Variants in NPR3 observed in about 807,000 individuals in gnomAD.
NPR3 encodes atrial natriuretic peptide receptor 3.
Under a neutral mutation model 54.5 loss-of-function variants are expected in NPR3, and 34 were observed. The ratio of observed to expected loss-of-function variants is 0.62; its 90% CI spans 0.47 to 0.83. The LOEUF (loss-of-function observed/expected upper bound fraction) is 0.83. Ranked by LOEUF, NPR3 falls within the 40% of genes least tolerant of loss-of-function variation. NPR3 has a pLI of 0.00. For missense variants in NPR3, 674 were observed against 720.8 expected, an observed-to-expected ratio of 0.94 and a Z score of 0.74; for synonymous variants, 289 against 297.1, an observed-to-expected ratio of 0.97 and a Z score of 0.28.
intron 3 of NPR3, among the ~76,000 whole-genome samples, chr5:32,759,643 C>G (rs1741047935): frequency 6.6e-6 from 1 of 152,156 alleles, no homozygotes; most frequent in Non-Finnish European, 1.5e-5. Context: ...TTGATTCTGT[C>G]ATTATTATGT....
intron 1 of NPR3, among the ~76,000 whole-genome samples, chr5:32,722,643 G>A (rs745902123): frequency 9.2e-5 from 14 of 152,192 alleles, no homozygotes; most frequent in Middle Eastern, 3.4e-3. Context: ...AGAACTTCCC[G>A]GAACCTCCTG....
Position 32,791,714 on chromosome 5 carries a change from A to G in NPR3, c.*5369A>G, listed in dbSNP as rs1348849040. ...GTGTTCTCATTAAAAAATACATCCC[A>G]CGGAAACCTCTTCCTGTTTATAATT... On this transcript the variant is annotated 3_prime_UTR_variant, in exon 8 of 8. Coordinates refer to ENST00000265074, the MANE Select transcript of NPR3 (RefSeq NM_001204375.2). 6.1e-6 allele frequency: 1 copy of G among 165,110 alleles called. No individual in the cohort carries two copies. Among genetic ancestry groups the G allele is most frequent in the African/African-American group, 2.4e-5 (1 of 41,440 alleles). 10.2% of individuals were successfully genotyped at this position (165,110 alleles called of 1,614,324 possible). A position where few individuals can be genotyped will look rare whatever the true frequency, so the allele number is the denominator to read the frequency against.
At chr5:32,724,596 T>C (rs1739039333) in intron 1 of NPR3, 102 bp from the exon 2 acceptor site, 3 of 1,366,338 alleles carry the variant, frequency 2.2e-6, no homozygotes, top group African/African-American at 1.4e-5. Context: ...TTCAGGACCA[T>C]ATAAGTATCC....
chr5:32,696,004 G>T (rs1416626912), intron 1 of NPR3, among the ~76,000 whole-genome samples: 3 of 152,138 alleles, frequency 2.0e-5, no homozygotes, highest in African/African-American at 7.2e-5. Flanking sequence ...TTCCTTGGCT[G>T]TGCAGAAGCT....
rs1013455810 is a variant in NPR3 at position 32,712,147 on chromosome 5, G to T, written c.371G>T (p.Arg124Leu). Reference sequence around the variant, plus strand: ...TTGGTGGACCGCGTGGCGGCGGCGCGGGGCGCCAAGCCAGACCTTATCCTG... The same window carrying T: ...TTGGTGGACCGCGTGGCGGCGGCGCTGGGCGCCAAGCCAGACCTTATCCTG... Reference protein sequence around the residue: ...FSLVDRVAAARGAKPDLILGP... With the variant: ...FSLVDRVAAALGAKPDLILGP... Residue 124 changes from arginine (R) to leucine (L), a missense_variant, in exon 1 of 8, where the codon CGG becomes CTG. By Grantham distance (102) the Arg-to-Leu change is moderately radical. Coordinates refer to ENST00000265074, the MANE Select transcript of NPR3 (RefSeq NM_001204375.2). 2 of 1,613,362 alleles carry T rather than the reference G, an allele frequency of 1.2e-6. No individual in the cohort carries two copies. The highest frequency in any genetic ancestry group is 1.1e-5 in the South Asian group (1 of 91,078).
intron 3 of NPR3, among the ~76,000 whole-genome samples, chr5:32,750,432 G>T (rs953386027): frequency 2.0e-5 from 3 of 152,022 alleles, no homozygotes; most frequent in African/African-American, 7.2e-5. Flanking sequence ...CACCCCTCCC[G>T]GCTTGTCGAT....
chr5:32,702,723 C>T (rs974595966), intron 1 of NPR3, among the ~76,000 whole-genome samples: 47 of 152,168 alleles, frequency 3.1e-4, no homozygotes, highest in Non-Finnish European at 4.9e-4. Flanking sequence ...AATAAGCATA[C>T]GTGTGCATGT....
chr5:32,761,472 T>C (rs115155840), intron 3 of NPR3, among the ~76,000 whole-genome samples: 2,762 of 152,242 alleles, frequency 0.018, 29 homozygotes, highest in Admixed American at 0.029. Flanking sequence ...CAATTGTTCA[T>C]TGCTAGTATA....
At chr5:32,719,785 G>GTTTT (rs201377152) in intron 1 of NPR3, among the ~76,000 whole-genome samples, 4 of 91,148 alleles carry the variant, frequency 4.4e-5, no homozygotes, top group African/African-American at 1.4e-4. Context: ...CTATGTTGTT[G>GTTTT]TTGTTTTTTT....
intron 2 of NPR3, among the ~76,000 whole-genome samples, chr5:32,727,197 GC>G (rs1355944876): frequency 6.6e-6 from 1 of 152,166 alleles, no homozygotes; most frequent in African/African-American, 2.4e-5. Context: ...CGTGATCTTG[GC>G]TCACTGTAGC....
At position 32,762,148 on chromosome 5, in the gene NPR3, A is replaced by G. The variant is rs530174827; in HGVS notation, c.1060-12560A>G. ...CATCCTTTTTTTACAGCTGCATAGT[A>G]TTCCATAGTTTACATGTGCCACATT... On this transcript the variant is annotated intron_variant, in intron 3 of 7. Transcript: ENST00000265074. 3.3e-5 allele frequency among the ~76,000 whole-genome samples: 5 copies of G among 152,252 alleles called. No homozygotes were observed. In the East Asian group the frequency reaches 9.6e-4, roughly 29 times the overall value.
chr5:32,739,376 G>C (rs1739927810), intron 3 of NPR3, among the ~76,000 whole-genome samples: 1 of 152,064 alleles, frequency 6.6e-6, no homozygotes, highest in South Asian at 2.1e-4. Flanking sequence ...AGGGTTTTGG[G>C]GGAGAAGGAG....
At chr5:32,780,693 C>T (rs750588459) in intron 4 of NPR3, 29 bp from the exon 5 acceptor site, 39 of 999,800 alleles carry the variant, frequency 3.9e-5, no homozygotes, top group South Asian at 2.8e-4. Context: ...AAGTAACCAA[C>T]GTTGAGTTCT....
intron 1 of NPR3, among the ~76,000 whole-genome samples, chr5:32,700,083 G>A (rs183108995): frequency 1.3e-5 from 2 of 152,248 alleles, no homozygotes; most frequent in African/African-American, 2.4e-5. Flanking sequence ...GAGCTCCATT[G>A]TATGTTATTT....
At position 32,711,852 on chromosome 5, in the gene NPR3, GGCGGTGGCGTTGGCGGCGGCGGCGGTGGC is replaced by G. The variant is rs1738256209; in HGVS notation, c.81_109del (p.Gly28HisfsTer26). The G allele has an allele frequency of 2.7e-6, 4 of 1,463,378 alleles. No homozygotes were observed. The Admixed American group carries it at 1.1e-4, about 41-fold the overall frequency. The allele number at this position is 1,463,378 out of a possible 1,614,324, so 90.6% of individuals were successfully genotyped here. On this transcript the variant is annotated frameshift_variant, in exon 1 of 8. Coordinates refer to ENST00000265074, the MANE Select transcript of NPR3 (RefSeq NM_001204375.2). LOFTEE classifies it high-confidence loss of function. ...GGCGTTGCTGGCCGGCGGCACCGGT[GGCGGTGGCGTTGGCGGCGGCGGCGGTGGC>G]GCGGGCATAGGCGGCGGACGCCAGG...
intron 6 of NPR3, 58 bp from the exon 7 acceptor site, chr5:32,784,738 G>A (rs1040453345): frequency 6.7e-6 from 9 of 1,338,654 alleles, no homozygotes; most frequent in South Asian, 2.4e-5. Context: ...AATGAAACTC[G>A]AGGCATTTCT....
At chr5:32,732,247 C>CA (rs34564234) in intron 2 of NPR3, among the ~76,000 whole-genome samples, 3,773 of 32,952 alleles carry the variant, frequency 0.11, 760 homozygotes, top group East Asian at 0.18. Flanking sequence ...GACTCCGTCT[C>CA]AAAAAAAAAA....
intron 3 of NPR3, among the ~76,000 whole-genome samples, chr5:32,770,484 G>C (rs142481963): frequency 2.0e-4 from 30 of 152,100 alleles, no homozygotes; most frequent in African/African-American, 7.0e-4. Context: ...TGAAAGGAAC[G>C]AGAGTTAGCG....
At chr5:32,700,558 C>G (rs1462955762) in intron 1 of NPR3, among the ~76,000 whole-genome samples, 3 of 151,984 alleles carry the variant, frequency 2.0e-5, no homozygotes, top group East Asian at 3.9e-4. Flanking sequence ...CCCCCCACCC[C>G]CCGACAGGCC....
Sources: gnomAD v4.1 joint callset for allele counts (sites outside exome capture counted in the v4.1 genomes callset) on GRCh38, gnomAD v4.1.1 for gene constraint, MANE v1.5 for transcripts, NCBI Gene and HGNC (gene_info 2026-07-23, HGNC 2026-07-21) for gene names.